MARCHF8: variants seen among roughly 807,000 people sequenced by gnomAD.
MARCHF8 encodes E3 ubiquitin-protein ligase MARCHF8.
In MARCHF8, 40 loss-of-function variants were observed where a neutral mutation model predicts 51.6. That is an observed-to-expected ratio of 0.77 (90% CI 0.60 to 1.01). The LOEUF (loss-of-function observed/expected upper bound fraction) is 1.01, where lower values mean the gene tolerates loss of function less well. MARCHF8 is among the 50% of genes least tolerant of loss of function. The pLI, the probability that MARCHF8 is intolerant of heterozygous loss-of-function variation, is 0.00. For synonymous variants in MARCHF8, 263 were observed against 280.3 expected, an observed-to-expected ratio of 0.94 and a Z score of 0.62; for missense variants, 685 against 708.6, an observed-to-expected ratio of 0.97 and a Z score of 0.38.
chr10:45,550,315 T>C (rs1263375864), intron 1 of MARCHF8, among the ~76,000 whole-genome samples: 2 of 152,256 alleles, frequency 1.3e-5, no homozygotes, highest in Non-Finnish European at 2.9e-5. Context: ...TCCATACCGC[T>C]TGAAGATCTC....
chr10:45,502,735 CACAG>C (rs1308606766), intron 2 of MARCHF8, among the ~76,000 whole-genome samples: 11 of 152,100 alleles, frequency 7.2e-5, no homozygotes, highest in Non-Finnish European at 1.6e-4. Flanking sequence ...TAAAAACAGT[CACAG>C]ACAAAGAGTA....
At chr10:45,566,997 T>C (rs186926662) in intron 1 of MARCHF8, among the ~76,000 whole-genome samples, 21 of 152,348 alleles carry the variant, frequency 1.4e-4, no homozygotes, top group African/African-American at 4.6e-4. Flanking sequence ...AGATATCTCA[T>C]TGTAGTTTTG....
In MARCHF8 at chr10:45,569,073, A is replaced by C. The variant is rs543507253; in HGVS notation, c.-79+25162T>G. ...GAGCAAGACTCCATCTCAAAAAAAAAAAAAAAAAAAAAATTGCAAAAAAAA... is the reference window on the plus strand; with the variant it reads ...GAGCAAGACTCCATCTCAAAAAAAACAAAAAAAAAAAAATTGCAAAAAAAA... On this transcript the variant is annotated intron_variant, in intron 1 of 6. Transcript: ENST00000319836. Among the ~76,000 whole-genome samples the C allele has an allele frequency of 5.2e-3, 793 of 151,382 alleles. 5 individuals carry two copies. The highest frequency in any genetic ancestry group is 0.014 in the African/African-American group (581 of 41,170).
intron 3 of MARCHF8, among the ~76,000 whole-genome samples, chr10:45,470,425 C>T (rs1251816428): frequency 6.6e-6 from 1 of 152,192 alleles, no homozygotes; most frequent in Non-Finnish European, 1.5e-5. Context: ...GTATCAATCT[C>T]TCTGACTTCC....
At chr10:45,561,629 G>C (rs550069582) in intron 1 of MARCHF8, among the ~76,000 whole-genome samples, 1 of 151,116 alleles carries the variant, frequency 6.6e-6, no homozygotes, top group Non-Finnish European at 1.5e-5. Context: ...GGCCAGGCGT[G>C]GTGGCTCAAG....
At chr10:45,584,549 T>C (rs1272904615) in intron 1 of MARCHF8, among the ~76,000 whole-genome samples, 2 of 152,142 alleles carry the variant, frequency 1.3e-5, no homozygotes, top group Admixed American at 1.3e-4. Flanking sequence ...GGTAAATGCA[T>C]ACTGGTACCA....
At chr10:45,476,762 T>A (rs1319541658) in intron 3 of MARCHF8, among the ~76,000 whole-genome samples, 2 of 151,622 alleles carry the variant, frequency 1.3e-5, no homozygotes, top group African/African-American at 4.8e-5. Flanking sequence ...GAAGAAATAA[T>A]TTCAGAACTT....
At chr10:45,489,691 C>T (rs1300739188) in intron 2 of MARCHF8, among the ~76,000 whole-genome samples, 1 of 152,046 alleles carries the variant, frequency 6.6e-6, no homozygotes, top group Admixed American at 6.5e-5. Flanking sequence ...TTAGAATTCA[C>T]TGTCAAAATA....
intron 1 of MARCHF8, among the ~76,000 whole-genome samples, chr10:45,581,941 CAAA>C (rs78688601): frequency 2.0e-4 from 18 of 92,248 alleles, no homozygotes; most frequent in Non-Finnish European, 1.7e-4. Context: ...GCACTTCAAC[CAAA>C]AAAAAAAAAA....
intron 1 of MARCHF8, among the ~76,000 whole-genome samples, chr10:45,571,613 C>T (rs1050419814): frequency 6.6e-6 from 1 of 151,826 alleles, no homozygotes; most frequent in Non-Finnish European, 1.5e-5. Context: ...CTTGGGAGAT[C>T]AATCCCCTGT....
chr10:45,518,099 G>A (rs12779198), intron 2 of MARCHF8, among the ~76,000 whole-genome samples: 9,389 of 152,214 alleles, frequency 0.062, 330 homozygotes, highest in Non-Finnish European at 0.066. Context: ...AGTGCACATC[G>A]TATCTCAGGT....
At chr10:45,497,974 G>C (rs962015597) in intron 2 of MARCHF8, among the ~76,000 whole-genome samples, 2 of 152,156 alleles carry the variant, frequency 1.3e-5, no homozygotes, top group African/African-American at 4.8e-5. Flanking sequence ...CCAGTCTGTG[G>C]TATTTTGTTA....
chr10:45,486,123 A>T (rs1299982735), intron 3 of MARCHF8, among the ~76,000 whole-genome samples: 1 of 152,156 alleles, frequency 6.6e-6, no homozygotes, highest in Non-Finnish European at 1.5e-5. Context: ...ACAGAATTTC[A>T]CGTTGACAGG....
intron 2 of MARCHF8, among the ~76,000 whole-genome samples, chr10:45,492,968 A>C (rs1174750384): frequency 6.6e-6 from 1 of 152,246 alleles, no homozygotes; most frequent in Non-Finnish European, 1.5e-5. Flanking sequence ...TTTGAGTGTC[A>C]TGCTGACATT....
upstream of MARCHF8, among the ~76,000 whole-genome samples, chr10:45,537,421 G>A (rs2043988527): frequency 6.6e-6 from 1 of 152,164 alleles, no homozygotes; most frequent in African/African-American, 2.4e-5. Flanking sequence ...GGGGGGCCAA[G>A]GTGGGTGAAT....
chr10:45,584,326 A>G (rs2044594069), intron 1 of MARCHF8, among the ~76,000 whole-genome samples: 1 of 151,586 alleles, frequency 6.6e-6, no homozygotes, highest in Non-Finnish European at 1.5e-5. Flanking sequence ...AAAATCTCAC[A>G]TGTTAGAGAA....
chr10:45,508,431 T>C (rs947694597), intron 2 of MARCHF8, among the ~76,000 whole-genome samples: 1 of 152,068 alleles, frequency 6.6e-6, no homozygotes, highest in Non-Finnish European at 1.5e-5. Context: ...GATTTGTCAA[T>C]GCTCTCACTG....
intron 1 of MARCHF8, among the ~76,000 whole-genome samples, chr10:45,582,768 C>T (rs562702811): frequency 4.1e-4 from 62 of 152,306 alleles, no homozygotes; most frequent in Non-Finnish European, 7.2e-4. Flanking sequence ...GATGATCCAT[C>T]TACCAAGAAT....
intron 3 of MARCHF8, among the ~76,000 whole-genome samples, chr10:45,482,683 A>T (rs1270810126): frequency 1.3e-5 from 2 of 152,166 alleles, no homozygotes; most frequent in East Asian, 3.9e-4. Flanking sequence ...TGAACCCAGG[A>T]GGCAGAGGTT....
Sources: allele counts gnomAD v4.1 joint callset (sites outside exome capture counted in the v4.1 genomes callset), GRCh38; gene constraint gnomAD v4.1.1; transcripts MANE v1.5; gene names NCBI Gene and HGNC (gene_info 2026-07-23, HGNC 2026-07-21).